The following CYFIP2 variants were observed in gnomAD, a reference collection of about 807,000 sequenced individuals.
CYFIP2 encodes the protein cytoplasmic FMR1-interacting protein 2.
Under a neutral mutation model 158.7 loss-of-function variants are expected in CYFIP2, and 29 were observed. That is an observed-to-expected ratio of 0.18 (90% CI 0.14 to 0.25). The LOEUF (loss-of-function observed/expected upper bound fraction) is 0.25, where lower values mean the gene tolerates loss of function less well. CYFIP2 is among the 10% of genes least tolerant of loss of function. CYFIP2 has a pLI of 1.00. For synonymous variants in CYFIP2, 585 were observed against 617.6 expected (o/e 0.95, Z 0.78); for missense variants, 852 against 1,639.5 (o/e 0.52, Z 8.29).
In CYFIP2 at chr5:157,361,700, T is replaced by C; in HGVS notation, c.3039+102T>C. ...CTGCAGCATTGATTTGTGCTTTGAG[T>C]ACAAGCTCACATGCTCTTTTCAGTT... On this transcript the variant is annotated intron_variant, in intron 26 of 30. Transcript: ENST00000620254. This position sits in a 1 kb window ranked among gnomAD's most constrained non-coding sequence, Gnocchi z 4.4. 2 of 1,414,244 alleles carry C rather than the reference T, an allele frequency of 1.4e-6. No homozygotes were observed. The highest frequency in any genetic ancestry group is 1.9e-6 in the Non-Finnish European group (2 of 1,031,032). 87.6% of individuals were successfully genotyped at this position (1,414,244 alleles called of 1,614,324 possible). A position where few individuals can be genotyped will look rare whatever the true frequency, so the allele number is the denominator to read the frequency against.
rs374946686 is a variant in CYFIP2 at position 157,377,765 on chromosome 5, G to A, written c.3040-4825G>A. Among the ~76,000 whole-genome samples the A allele has an allele frequency of 1.1e-4, 16 of 152,310 alleles. 1 individual carries two copies. Among genetic ancestry groups the A allele is most frequent in the Admixed American group, 6.5e-4 (10 of 15,294 alleles). ...AGATCCTATTATACACATGTTCTCT[G>A]TATTCTTGCTGGCCTCTCATATCAT... is the stretch of plus-strand genomic sequence containing the variant. On this transcript the variant is annotated intron_variant, in intron 26 of 30. Transcript: ENST00000620254.
In CYFIP2 at chr5:157,311,556, C is replaced by A; in HGVS notation, c.993-108C>A. Reference sequence around the variant, plus strand: ...AGGCGGCTGGGATACCATTTGGTGTCACCCAGGGGAGTTGGCCACGTGGGC... The same window carrying A: ...AGGCGGCTGGGATACCATTTGGTGTAACCCAGGGGAGTTGGCCACGTGGGC... On this transcript the variant is annotated intron_variant, in intron 10 of 30. Transcript: ENST00000620254. The surrounding 1 kb of genome is among the most constrained non-coding windows in gnomAD (Gnocchi z 4.7). The A allele has an allele frequency of 1.1e-6, 1 of 894,988 alleles. No individual in the cohort carries two copies. The highest frequency in any genetic ancestry group is 1.7e-5 in the South Asian group (1 of 59,670). The allele number at this position is 894,988 out of a possible 1,614,324, so 55.4% of individuals were successfully genotyped here. A position where few individuals can be genotyped will look rare whatever the true frequency, so the allele number is the denominator to read the frequency against.
chr5:157,333,463 G>C lies in CYFIP2; in HGVS notation c.2385+17G>C, dbSNP rs150043544. 116 of 1,613,764 alleles carry C rather than the reference G, an allele frequency of 7.2e-5. No individual in the cohort carries two copies. Among genetic ancestry groups the C allele is most frequent in the Non-Finnish European group, 2.4e-5 (28 of 1,179,834 alleles). ...TCCATTGTGGTAAGAGTCTGGGAGCGTGTGGGATTTCTGCTCTGTGATTTC... is the reference window on the plus strand; with the variant it reads ...TCCATTGTGGTAAGAGTCTGGGAGCCTGTGGGATTTCTGCTCTGTGATTTC... On this transcript the variant is annotated intron_variant, in intron 21 of 30. Transcript: ENST00000620254.
chr5:157,368,521 A>G (rs756556444), intron 26 of CYFIP2, among the ~76,000 whole-genome samples: 7 of 152,180 alleles, frequency 4.6e-5, no homozygotes, highest in South Asian at 2.1e-4. Context: ...GCCTTTCTGT[A>G]TGAGTGTTTC....
At chr5:157,336,192 C>G (rs1371445367) in intron 21 of CYFIP2, among the ~76,000 whole-genome samples, 2 of 152,156 alleles carry the variant, frequency 1.3e-5, no homozygotes, top group Admixed American at 1.3e-4. Context: ...GGGGAGGCAA[C>G]TTGATTCTGA....
intron 27 of CYFIP2, 177 bp from the exon 28 acceptor site, chr5:157,383,088 A>G: frequency 1.7e-6 from 1 of 603,276 alleles, no homozygotes; most frequent in South Asian, 2.0e-5. Context: ...GACAAATCAT[A>G]GAACATTTTT....
intron 23 of CYFIP2, among the ~76,000 whole-genome samples, chr5:157,351,413 T>A (rs1304764849): frequency 3.3e-5 from 5 of 152,242 alleles, no homozygotes; most frequent in Admixed American, 6.5e-5. Context: ...ATGTATATGC[T>A]CATTGTACAT....
chr5:157,268,641 C>T (rs1755821056), intron 1 of CYFIP2, among the ~76,000 whole-genome samples: 2 of 152,220 alleles, frequency 1.3e-5, no homozygotes. Context: ...AGGGGTCCAC[C>T]AAAAGCGTCA....
chr5:157,390,701 G>A, intron 30 of CYFIP2, 33 bp downstream of exon 30: 3 of 1,569,532 alleles, frequency 1.9e-6, no homozygotes, highest in Non-Finnish European at 2.6e-6. Context: ...CCTGGGAGGT[G>A]GGGCTGGGCT....
At chr5:157,329,660 T>C (rs1477479497) in intron 19 of CYFIP2, among the ~76,000 whole-genome samples, 2 of 152,228 alleles carry the variant, frequency 1.3e-5, no homozygotes, top group African/African-American at 4.8e-5. Context: ...ATCCAAAACA[T>C]TATAATTTTG....
In CYFIP2 at chr5:157,389,297, C is replaced by T. The variant is rs1767018578; in HGVS notation, c.3316C>T (p.Pro1106Ser). The change falls in exon 29 of 31, where the codon CCC becomes TCC. Residue 1106 changes from proline (P) to serine (S), a missense_variant. By Grantham distance (74) the Pro-to-Ser change is moderately conservative (BLOSUM62 -1). Transcript: ENST00000620254. ...LTRIRSYLQD[P>S]IWRGPPPTNG... ...CCGCATTCGGAGCTACCTGCAGGACCCCATCTGGCGGGGCCCACCGCCCAC... is the reference window on the plus strand; with the variant it reads ...CCGCATTCGGAGCTACCTGCAGGACTCCATCTGGCGGGGCCCACCGCCCAC... The T allele has an allele frequency of 1.2e-6, 2 of 1,613,896 alleles. No individual in the cohort carries two copies. Among genetic ancestry groups the T allele is most frequent in the African/African-American group, 1.3e-5 (1 of 74,928 alleles).
intron 24 of CYFIP2, among the ~76,000 whole-genome samples, chr5:157,359,644 C>T (rs1763666312): frequency 6.6e-6 from 1 of 152,226 alleles, no homozygotes. Flanking sequence ...TATCCCTTTA[C>T]CACTATTCTG....
chr5:157,330,240 A>ATG (rs58447290), intron 19 of CYFIP2, among the ~76,000 whole-genome samples: 7,897 of 144,222 alleles, frequency 0.055, 167 homozygotes, highest in East Asian at 0.069. Flanking sequence ...GAGATTTAAA[A>ATG]TGTGTGTGTG....
rs2288068 is a variant in CYFIP2 at position 157,287,128 on chromosome 5, G to A, written c.207+20G>A. On this transcript the variant is annotated intron_variant, in intron 3 of 30. Transcript: ENST00000620254. ...AGCATGGTAAGTCTCTGTGACCCAC[G>A]TGTGCAGACATGCTCCCTGCTGGGC... 0.1 allele frequency: 163,644 copies of A among 1,606,534 alleles called. 8,737 individuals are homozygous for A. The highest frequency in any genetic ancestry group is 0.12 in the South Asian group (11,029 of 90,844).
chr5:157,360,465 G>GCTCACTGGCA, intron 25 of CYFIP2, 93 bp downstream of exon 25: 8 of 1,062,410 alleles, frequency 7.5e-6, no homozygotes, highest in Non-Finnish European at 1.1e-5. Context: ...TAACATGCCA[G>GCTCACTGGCA]TGAGCTGGCA....
At position 157,325,630 on chromosome 5, in the gene CYFIP2, C is replaced by T; in HGVS notation, c.1974C>T (p.Ser658=). 2 of 1,607,326 alleles carry T rather than the reference C, an allele frequency of 1.2e-6. No individual in the cohort carries two copies. The highest frequency in any genetic ancestry group is 1.7e-6 in the Non-Finnish European group (2 of 1,176,354). Residue 658 remains serine (S), a synonymous_variant, in exon 17 of 31, where the codon TCC becomes TCT. Coordinates refer to ENST00000620254, the MANE Select transcript of CYFIP2 (RefSeq NM_001037333.3). ...ATATCCTGGAAACCAAAGAACCTTC[C>T]ATGATGGAGTAAGAGGCAGGATTGG... is the stretch of plus-strand genomic sequence containing the variant. The part of the protein sequence containing the change: ...TDHILETKEP[S]MMEYVLYPLD...
chr5:157,272,521 C>T (rs1048841365), intron 1 of CYFIP2, among the ~76,000 whole-genome samples: 6 of 152,314 alleles, frequency 3.9e-5, no homozygotes, highest in Non-Finnish European at 5.9e-5. Context: ...CTAGAGGCTG[C>T]CACTTTTAAC....
rs929998047 is a variant in CYFIP2 at position 157,300,570 on chromosome 5, G to A, written c.388-145G>A. On this transcript the variant is annotated intron_variant, in intron 5 of 30. Transcript: ENST00000620254. Reference sequence around the variant, plus strand: ...AAAAAGAAAAAAAGAAATTAGCTTCGGATTTAAGGACTCCTCTGAGAAAAA... The same window carrying A: ...AAAAAGAAAAAAAGAAATTAGCTTCAGATTTAAGGACTCCTCTGAGAAAAA... The A allele has an allele frequency of 3.3e-5, 20 of 599,854 alleles. 1 individual carries two copies. Among genetic ancestry groups the A allele is most frequent in the Middle Eastern group, 5.0e-4 (1 of 2,018 alleles). 37.2% of individuals were successfully genotyped at this position (599,854 alleles called of 1,614,324 possible). A position where few individuals can be genotyped will look rare whatever the true frequency, so the allele number is the denominator to read the frequency against.
intron 20 of CYFIP2, among the ~76,000 whole-genome samples, chr5:157,332,495 T>G (rs1761540759): frequency 6.6e-6 from 1 of 152,222 alleles, no homozygotes; most frequent in Admixed American, 6.5e-5. Context: ...GGACGTTGTC[T>G]TATAAAAACA....
Sources: allele counts gnomAD v4.1 joint callset (sites outside exome capture counted in the v4.1 genomes callset), GRCh38; gene constraint gnomAD v4.1.1; non-coding constraint Gnocchi (gnomAD v3.1); transcripts MANE v1.5; gene names NCBI Gene and HGNC (gene_info 2026-07-23, HGNC 2026-07-21).